Variants in ERGIC2 observed in about 807,000 individuals in gnomAD.
ERGIC2 encodes the protein ERGIC and golgi 2, also known as endoplasmic reticulum-Golgi intermediate compartment protein 2.
Under a neutral mutation model 52.5 loss-of-function variants are expected in ERGIC2, and 31 were observed. The observed-to-expected ratio is 0.59, with a 90% CI of 0.44 to 0.80. The LOEUF is 0.80. Ranked by LOEUF, ERGIC2 falls within the 30% of genes least tolerant of loss-of-function variation. The pLI, the probability that ERGIC2 is intolerant of heterozygous loss-of-function variation, is 0.00. For synonymous variants in ERGIC2, 129 were observed against 140.6 expected (o/e 0.92, Z 0.58); for missense variants, 395 against 455.2 (o/e 0.87, Z 1.20).
intron 1 of ERGIC2, among the ~76,000 whole-genome samples, chr12:29,376,941 T>C (rs938341596): frequency 2.0e-5 from 3 of 152,174 alleles, no homozygotes; most frequent in Non-Finnish European, 2.9e-5. Context: ...CAAAACAGCC[T>C]TTCCTTTATG....
intron 6 of ERGIC2, among the ~76,000 whole-genome samples, chr12:29,358,724 T>C (rs1237075705): frequency 6.6e-6 from 1 of 152,046 alleles, no homozygotes; most frequent in Non-Finnish European, 1.5e-5. Flanking sequence ...GTTATAAACA[T>C]AGGTACTCAC....
In ERGIC2 at chr12:29,357,716, T is replaced by G. The variant is rs1458463259; in HGVS notation, c.383A>C (p.Gln128Pro). 6.3e-7 allele frequency: 1 copy of G among 1,585,190 alleles called. No homozygotes were observed. The highest frequency in any genetic ancestry group is 8.7e-7 in the Non-Finnish European group (1 of 1,154,656). Residue 128 changes from glutamine (Q) to proline (P), a missense_variant, in exon 7 of 14, where the codon CAG becomes CCG. By Grantham distance (76) the Gln-to-Pro change is moderately conservative. Transcript: ENST00000360150. Reference protein sequence around the residue: ...PQQKEWQRMLQLIQSRLQEEH... With the variant: ...PQQKEWQRMLPLIQSRLQEEH... Reference sequence around the variant, plus strand: ...TTCTTGTAGCCTACTCTGAATCAGCTGCAGCATCCTAAATAAGAAGCAATA... The same window carrying G: ...TTCTTGTAGCCTACTCTGAATCAGCGGCAGCATCCTAAATAAGAAGCAATA...
Position 29,347,649 on chromosome 12 carries a change from A to AT in ERGIC2, c.727+1429dup, listed in dbSNP as rs1940073063. On this transcript the variant is annotated intron_variant, in intron 10 of 13. Transcript: ENST00000360150. ...AATCTGTACTGCATTAAAGATGTTA[A>AT]TTGTTAAGTAACTCCTGCAATACTT... 3.9e-5 allele frequency among the ~76,000 whole-genome samples: 6 copies of AT among 152,312 alleles called. No individual in the cohort carries two copies. The South Asian group carries it at 1.2e-3, about 32-fold the overall frequency.
chr12:29,364,125 C>T (rs990817836), intron 5 of ERGIC2, among the ~76,000 whole-genome samples: 3 of 151,954 alleles, frequency 2.0e-5, no homozygotes, highest in African/African-American at 7.2e-5. Flanking sequence ...GATAGAAAAA[C>T]CCATGTGAAA....
chr12:29,361,532 T>C lies in ERGIC2; in HGVS notation c.374+113A>G, dbSNP rs185580396. Reference sequence around the variant, plus strand: ...GATTATATTATATACCAAATTCTGCTAAGAATTCATCCAAAGAAATCCCTA... The same window carrying C: ...GATTATATTATATACCAAATTCTGCCAAGAATTCATCCAAAGAAATCCCTA... On this transcript the variant is annotated intron_variant, in intron 6 of 13. Coordinates refer to ENST00000360150, the MANE Select transcript of ERGIC2 (RefSeq NM_016570.3). 4.1e-5 allele frequency: 29 copies of C among 714,618 alleles called. No homozygotes were observed. In the East Asian group the frequency reaches 8.0e-4, roughly 20 times the overall value. 44.3% of individuals were successfully genotyped at this position (714,618 alleles called of 1,614,324 possible).
intron 4 of ERGIC2, among the ~76,000 whole-genome samples, chr12:29,367,263 T>G (rs538801724): frequency 6.6e-6 from 1 of 151,830 alleles, no homozygotes; most frequent in African/African-American, 2.4e-5. Flanking sequence ...TGAAGAGCTT[T>G]GCAAATATCG....
chr12:29,372,434 G>C (rs185789316), intron 1 of ERGIC2: 2 of 151,588 alleles, frequency 1.3e-5, no homozygotes, highest in Non-Finnish European at 2.9e-5. Context: ...GGAGAAGGGA[G>C]AAGAAGAAAA....
At chr12:29,370,244 G>C (rs771062274) in intron 2 of ERGIC2, 22 bp from the exon 3 acceptor site, 1 of 1,521,936 alleles carries the variant, frequency 6.6e-7, no homozygotes, top group Admixed American at 2.5e-5. Flanking sequence ...AACAACAAAA[G>C]AAAAACAGAA....
chr12:29,350,668 T>A (rs867866455), intron 8 of ERGIC2, among the ~76,000 whole-genome samples: 1 of 152,148 alleles, frequency 6.6e-6, no homozygotes, highest in African/African-American at 2.4e-5. Context: ...ATTAATAACT[T>A]CCAATCTAAA....
At chr12:29,349,250 T>G (rs1940099447) in intron 9 of ERGIC2, 73 bp from the exon 10 acceptor site, 1 of 610,568 alleles carries the variant, frequency 1.6e-6, no homozygotes, top group South Asian at 2.5e-5. Flanking sequence ...CAGACTGGTT[T>G]ACATCCTTAT....
chr12:29,346,246 T>G (rs557043892), intron 10 of ERGIC2, among the ~76,000 whole-genome samples: 4 of 151,082 alleles, frequency 2.6e-5, no homozygotes, highest in African/African-American at 9.7e-5. Context: ...TGGAGTGCAG[T>G]GGCGCAATCA....
intron 1 of ERGIC2, among the ~76,000 whole-genome samples, chr12:29,374,652 T>G: frequency 6.6e-6 from 1 of 152,172 alleles, no homozygotes; most frequent in Non-Finnish European, 1.5e-5. Flanking sequence ...GATAACACCA[T>G]AAGCCCAACT....
intron 12 of ERGIC2, 61 bp from the exon 13 acceptor site, chr12:29,341,877 T>C (rs919361553): frequency 1.3e-5 from 11 of 825,072 alleles, no homozygotes; most frequent in Non-Finnish European, 2.3e-5. Flanking sequence ...TAAGAATAAA[T>C]AACTATAATG....
intron 8 of ERGIC2, among the ~76,000 whole-genome samples, chr12:29,351,816 C>T (rs1698785226): frequency 6.6e-6 from 1 of 152,124 alleles, no homozygotes; most frequent in Admixed American, 6.6e-5. Context: ...TGATAAAATT[C>T]TACAGTGTTT....
At chr12:29,376,363 G>C (rs1231930375) in intron 1 of ERGIC2, among the ~76,000 whole-genome samples, 1 of 152,092 alleles carries the variant, frequency 6.6e-6, no homozygotes, top group Non-Finnish European at 1.5e-5. Context: ...TTCATAATTT[G>C]CTTAATGACT....
intron 5 of ERGIC2, among the ~76,000 whole-genome samples, chr12:29,364,265 C>G (rs1214063938): frequency 1.3e-5 from 2 of 151,832 alleles, no homozygotes; most frequent in African/African-American, 4.8e-5. Context: ...CTCAAAAAGT[C>G]CCCCCTCAAC....
chr12:29,354,727 T>C (rs1435907034), intron 8 of ERGIC2, among the ~76,000 whole-genome samples: 1 of 152,166 alleles, frequency 6.6e-6, no homozygotes, highest in African/African-American at 2.4e-5. Context: ...GGAAGGAAAG[T>C]GAAATTGTGA....
chr12:29,361,264 G>A (rs1483084816), intron 6 of ERGIC2, among the ~76,000 whole-genome samples: 1 of 151,878 alleles, frequency 6.6e-6, no homozygotes, highest in Non-Finnish European at 1.5e-5. Flanking sequence ...AAAAAAAGAA[G>A]TTTACAAATT....
At position 29,341,143 on chromosome 12, in the gene ERGIC2, C is replaced by T. The variant is rs1226290942; in HGVS notation, c.*13G>A. The T allele has an allele frequency of 6.3e-7, 1 of 1,595,570 alleles. No homozygotes were observed. Among genetic ancestry groups the T allele is most frequent in the East Asian group, 2.3e-5 (1 of 44,282 alleles). ...TCTCAGGCAAAAAGTTTTTCTCCTT[C>T]AATCGGGAGGTGTTAATGTGTATTA... On this transcript the variant is annotated 3_prime_UTR_variant, in exon 14 of 14. Coordinates refer to ENST00000360150, the MANE Select transcript of ERGIC2 (RefSeq NM_016570.3).
Sources: allele counts gnomAD v4.1 joint callset (sites outside exome capture counted in the v4.1 genomes callset), GRCh38; gene constraint gnomAD v4.1.1; transcripts MANE v1.5; gene names NCBI Gene and HGNC (gene_info 2026-07-23, HGNC 2026-07-21).